The following NRXN3 variants were observed in gnomAD, a reference collection of about 807,000 sequenced individuals.
NRXN3 encodes neurexin III.
NRXN3 carries 32 observed loss-of-function variants against 137.6 expected under a neutral mutation model. The ratio of observed to expected loss-of-function variants is 0.23; its 90% CI spans 0.18 to 0.31. NRXN3 has a LOEUF of 0.31. NRXN3 is among the 10% of genes least tolerant of loss of function. The pLI is 1.00. For synonymous variants in NRXN3, 798 were observed against 784.5 expected (o/e 1.02, Z -0.29); for missense variants, 1,574 against 2,062.5 (o/e 0.76, Z 4.59).
intron 10 of NRXN3, among the ~76,000 whole-genome samples, chr14:78,867,656 T>C (rs2099090556): frequency 6.6e-6 from 1 of 152,272 alleles, no homozygotes; most frequent in Non-Finnish European, 1.5e-5. Flanking sequence ...TTCCTGTACC[T>C]GGAGGAAAAG....
intron 15 of NRXN3, among the ~76,000 whole-genome samples, chr14:79,380,913 A>G (rs973830778): frequency 6.6e-6 from 1 of 152,110 alleles, no homozygotes; most frequent in Admixed American, 6.6e-5. Context: ...CATGCTAAGT[A>G]TGTCAGACTG....
chr14:78,227,571 T>C (rs1203724337), intron 1 of NRXN3, among the ~76,000 whole-genome samples: 2 of 152,210 alleles, frequency 1.3e-5, no homozygotes, highest in African/African-American at 4.8e-5. Context: ...TCACTGACTT[T>C]GCACACCCAC....
chr14:78,869,131 G>A (rs1179485621), intron 10 of NRXN3, among the ~76,000 whole-genome samples: 1 of 152,150 alleles, frequency 6.6e-6, no homozygotes, highest in African/African-American at 2.4e-5. Flanking sequence ...GATAGGGAAA[G>A]GGACATTTGA....
intron 16 of NRXN3, among the ~76,000 whole-genome samples, chr14:79,476,323 G>A (rs1375180747): frequency 1.3e-5 from 2 of 152,016 alleles, no homozygotes; most frequent in East Asian, 3.9e-4. Flanking sequence ...AACTACATTA[G>A]CCTCACAGAT....
intron 15 of NRXN3, among the ~76,000 whole-genome samples, chr14:79,059,467 C>T (rs979189098): frequency 1.3e-5 from 2 of 151,930 alleles, no homozygotes; most frequent in Non-Finnish European, 2.9e-5. Context: ...CCGTGTTAGC[C>T]AGGATGGTCT....
Position 79,382,077 on chromosome 14 carries a change from A to T in NRXN3, c.3263-85144A>T, listed in dbSNP as rs531675018. On this transcript the variant is annotated intron_variant, in intron 15 of 20. Transcript: ENST00000335750. ...AAACTGTGTGCCTTCTCTGTGCCTCAGTTTTCTCCTCTGCAAAATGGAACA... is the reference window on the plus strand; with the variant it reads ...AAACTGTGTGCCTTCTCTGTGCCTCTGTTTTCTCCTCTGCAAAATGGAACA... Among the ~76,000 whole-genome samples the T allele has an allele frequency of 2.0e-5, 3 of 152,290 alleles. No individual in the cohort carries two copies. In the South Asian group the frequency reaches 6.2e-4, roughly 32 times the overall value.
intron 8 of NRXN3, among the ~76,000 whole-genome samples, chr14:78,796,163 T>C (rs1567335677): frequency 1.3e-5 from 2 of 152,196 alleles, no homozygotes; most frequent in Admixed American, 6.5e-5. Flanking sequence ...ATAAGCTCTA[T>C]ACCAATTGTG....
At chr14:79,738,563 G>A (rs1224767418) in intron 19 of NRXN3, among the ~76,000 whole-genome samples, 2 of 151,970 alleles carry the variant, frequency 1.3e-5, no homozygotes, top group Non-Finnish European at 2.9e-5. Context: ...TTTTTGTTTT[G>A]TTTTGTTTTT....
Position 79,525,167 on chromosome 14 carries a change from A to G in NRXN3, c.3444+57765A>G, listed in dbSNP as rs564253349. Among the ~76,000 whole-genome samples, 5 of 152,278 alleles carry G rather than the reference A, an allele frequency of 3.3e-5. No homozygotes were observed. The South Asian group carries it at 1.0e-3, about 32-fold the overall frequency. On this transcript the variant is annotated intron_variant, in intron 16 of 20. Transcript: ENST00000335750. ...AGCATTGGGGAAGAATGGGACTGAG[A>G]AACAGGAGGGCAGGGGAAGGTCAGA...
chr14:79,503,649 T>A (rs2096845860), intron 16 of NRXN3, among the ~76,000 whole-genome samples: 1 of 152,216 alleles, frequency 6.6e-6, no homozygotes, highest in Admixed American at 6.5e-5. Flanking sequence ...ACTTTACTGA[T>A]GTCCCTGTGA....
At chr14:78,238,318 G>A (rs2066612339) in intron 1 of NRXN3, among the ~76,000 whole-genome samples, 2 of 152,228 alleles carry the variant, frequency 1.3e-5, no homozygotes, top group Non-Finnish European at 2.9e-5. Context: ...GAAGTGTTCT[G>A]AGCTTCTGCA....
At chr14:79,548,276 A>G (rs1399837538) in intron 16 of NRXN3, among the ~76,000 whole-genome samples, 1 of 152,104 alleles carries the variant, frequency 6.6e-6, no homozygotes, top group Admixed American at 6.5e-5. Context: ...CTTATGAGTG[A>G]GAACATGCAG....
intron 20 of NRXN3, chr14:79,823,924 C>G (rs1297076630): frequency 2.2e-6 from 1 of 449,220 alleles, no homozygotes; most frequent in Admixed American, 2.4e-5. Flanking sequence ...ATGGATACAC[C>G]AGGTGGTAAT....
At chr14:79,302,198 A>C (rs180833504) in intron 15 of NRXN3, among the ~76,000 whole-genome samples, 17 of 152,048 alleles carry the variant, frequency 1.1e-4, no homozygotes, top group Non-Finnish European at 2.4e-4. Context: ...CATATATTAC[A>C]GTGTTTGTAA....
intron 15 of NRXN3, among the ~76,000 whole-genome samples, chr14:79,410,804 C>T (rs1249824092): frequency 6.6e-6 from 1 of 152,050 alleles, no homozygotes; most frequent in Admixed American, 6.6e-5. Context: ...GAGTCTCAAC[C>T]ACTGTCCTAG....
Position 79,239,679 on chromosome 14 carries a change from G to A in NRXN3, c.3263-227542G>A, listed in dbSNP as rs141427594. 4.3e-3 allele frequency among the ~76,000 whole-genome samples: 652 copies of A among 152,228 alleles called. 4 individuals are homozygous for A. Among genetic ancestry groups the A allele is most frequent in the Non-Finnish European group, 6.0e-3 (405 of 68,012 alleles). On this transcript the variant is annotated intron_variant, in intron 15 of 20. Coordinates refer to ENST00000335750, the MANE Select transcript of NRXN3 (RefSeq NM_001330195.2). ...TATATCCCCAGAGCTTGAAATCAGC[G>A]TGTCTAAATGATATCTGCACTCTCA... is the stretch of plus-strand genomic sequence containing the variant.
At chr14:78,550,426 T>C (rs752907617) in intron 4 of NRXN3, among the ~76,000 whole-genome samples, 14 of 152,110 alleles carry the variant, frequency 9.2e-5, no homozygotes, top group Non-Finnish European at 1.6e-4. Context: ...TGGGAGTTGG[T>C]GCCCTAAAAG....
chr14:79,104,976 A>G (rs931866861), intron 15 of NRXN3, among the ~76,000 whole-genome samples: 1 of 152,148 alleles, frequency 6.6e-6, no homozygotes, highest in Non-Finnish European at 1.5e-5. Flanking sequence ...GGCAGTTTTC[A>G]TGATATTTCA....
intron 16 of NRXN3, among the ~76,000 whole-genome samples, chr14:79,593,048 A>G (rs1356638666): frequency 1.3e-5 from 2 of 152,222 alleles, no homozygotes; most frequent in Non-Finnish European, 2.9e-5. Context: ...TTGACACTAC[A>G]CATCTGTCTT....
Sources: allele counts gnomAD v4.1 joint callset (sites outside exome capture counted in the v4.1 genomes callset), GRCh38; gene constraint gnomAD v4.1.1; transcripts MANE v1.5; gene names NCBI Gene and HGNC (gene_info 2026-07-23, HGNC 2026-07-21).